Variants in MOXD1 observed in about 807,000 individuals in gnomAD.
MOXD1 encodes the protein monooxygenase DBH like 1, also known as DBH-like monooxygenase protein 1.
A neutral mutation model predicts 66.6 loss-of-function variants in MOXD1; 62 were observed. That is an observed-to-expected ratio of 0.93 (90% confidence interval 0.76 to 1.15). The LOEUF (loss-of-function observed/expected upper bound fraction) is 1.15, where lower values mean the gene tolerates loss of function less well. MOXD1 is among the 50% of genes most tolerant of loss of function. The pLI is 0.00. For synonymous variants in MOXD1, 303 were observed against 281.9 expected (o/e 1.07, Z -0.75); for missense variants, 847 against 754.6 (o/e 1.12, Z -1.44).
chr6:132,361,270 A>C (rs1225669960), intron 4 of MOXD1, among the ~76,000 whole-genome samples: 12 of 151,898 alleles, frequency 7.9e-5, no homozygotes, highest in Non-Finnish European at 1.5e-4. Flanking sequence ...CATAAAACTC[A>C]GCTGTGGTTA....
At chr6:132,392,152 A>G in intron 1 of MOXD1, 3 of 1,518,168 alleles carry the variant, frequency 2.0e-6, no homozygotes, top group East Asian at 2.5e-5. Context: ...TAAAAGAAGC[A>G]CATCGTTAAC....
At chr6:132,337,163 C>G (rs1311034787) in intron 4 of MOXD1, among the ~76,000 whole-genome samples, 2 of 152,198 alleles carry the variant, frequency 1.3e-5, no homozygotes, top group African/African-American at 4.8e-5. Context: ...CTCAAGTTTT[C>G]CTCTTAATAA....
intron 1 of MOXD1, among the ~76,000 whole-genome samples, chr6:132,375,898 T>G (rs1236446685): frequency 6.6e-6 from 1 of 152,214 alleles, no homozygotes; most frequent in East Asian, 1.9e-4. Context: ...ACATACCTAT[T>G]TTATAGATTT....
chr6:132,364,089 C>T (rs1776069746), intron 4 of MOXD1, among the ~76,000 whole-genome samples: 2 of 151,976 alleles, frequency 1.3e-5, no homozygotes, highest in Non-Finnish European at 1.5e-5. Context: ...TTGAAAATGG[C>T]ATTATTTTAA....
rs151239964 is a variant in MOXD1 at position 132,338,202 on chromosome 6, G to A, written c.664-9608C>T. Among the ~76,000 whole-genome samples, 1,279 of 152,198 alleles carry A rather than the reference G, an allele frequency of 8.4e-3. 21 individuals are homozygous for A. The highest frequency in any genetic ancestry group is 0.029 in the African/African-American group (1,207 of 41,512). ...GTCACAGCGCAGATTTGACTCTGGC[G>A]GTCTGGATCAAGAATGTGCTCCTGA... On this transcript the variant is annotated intron_variant, in intron 4 of 11. Coordinates refer to ENST00000367963, the MANE Select transcript of MOXD1 (RefSeq NM_015529.4).
At position 132,322,797 on chromosome 6, in the gene MOXD1, C is replaced by G; in HGVS notation, c.1187G>C (p.Gly396Ala). The G allele has an allele frequency of 6.2e-7, 1 of 1,614,044 alleles. No homozygotes were observed. ...VLLHAHLAGR[G>A]IRLRHFRKGK... ...TTTTCGAAAATGACGCAGCCTGATG[C>G]CTCTGCCAGCCAGGTGAGCATGGAG... Residue 396 changes from glycine (G) to alanine (A), a missense_variant, in exon 8 of 12, where the codon GGC becomes GCC. Transcript: ENST00000367963.
chr6:132,388,379 C>A (rs1271091265), intron 1 of MOXD1, among the ~76,000 whole-genome samples: 1 of 151,410 alleles, frequency 6.6e-6, no homozygotes, highest in Non-Finnish European at 1.5e-5. Context: ...GGGATTCACA[C>A]CCCGTCTAGA....
In MOXD1 at chr6:132,301,198, TTATATATATA is replaced by T. The variant is rs34981314; in HGVS notation, c.1509-3253_1509-3244del. On this transcript the variant is annotated intron_variant, in intron 10 of 11. Transcript: ENST00000367963. ...CATACATACATGTAAACGAATGGTA[TTATATATATA>T]TATATATATATATATTACTGTAGTC... 9.7e-4 allele frequency among the ~76,000 whole-genome samples: 141 copies of T among 145,912 alleles called. 1 individual carries two copies. Among genetic ancestry groups the T allele is most frequent in the African/African-American group, 2.8e-3 (113 of 40,652 alleles).
At chr6:132,369,706 G>A (rs1452644360) in intron 4 of MOXD1, among the ~76,000 whole-genome samples, 1 of 152,052 alleles carries the variant, frequency 6.6e-6, no homozygotes, top group Non-Finnish European at 1.5e-5. Context: ...TAACGGATGG[G>A]CAGCGTTTCC....
chr6:132,378,589 T>C (rs773579829), intron 1 of MOXD1, among the ~76,000 whole-genome samples: 2 of 152,094 alleles, frequency 1.3e-5, no homozygotes, highest in African/African-American at 2.4e-5. Flanking sequence ...TCACAATAGA[T>C]CCTACAGACA....
At chr6:132,365,943 A>C (rs1370320795) in intron 4 of MOXD1, among the ~76,000 whole-genome samples, 1 of 152,200 alleles carries the variant, frequency 6.6e-6, no homozygotes, top group Admixed American at 6.5e-5. Flanking sequence ...TAAAACTTAC[A>C]ATACACTTAG....
intron 1 of MOXD1, among the ~76,000 whole-genome samples, chr6:132,399,715 T>A (rs1200173187): frequency 6.6e-6 from 1 of 152,210 alleles, no homozygotes; most frequent in Non-Finnish European, 1.5e-5. Flanking sequence ...CTCCCTTTTG[T>A]AGAACATGCA....
intron 1 of MOXD1, among the ~76,000 whole-genome samples, chr6:132,398,441 T>C (rs569652351): frequency 6.6e-6 from 1 of 152,272 alleles, no homozygotes; most frequent in Admixed American, 6.5e-5. Flanking sequence ...AAAAGCCACA[T>C]GATGAGGTGA....
At chr6:132,313,252 C>T (rs1774869407) in intron 10 of MOXD1, among the ~76,000 whole-genome samples, 1 of 152,064 alleles carries the variant, frequency 6.6e-6, no homozygotes. Flanking sequence ...ATTTCCTCCC[C>T]TATAAAACCG....
At chr6:132,310,713 G>A (rs1243879739) in intron 10 of MOXD1, among the ~76,000 whole-genome samples, 19 of 152,122 alleles carry the variant, frequency 1.2e-4, no homozygotes, top group Non-Finnish European at 1.9e-4. Context: ...GGATGAAGAT[G>A]GAAGCCAATG....
chr6:132,384,268 TC>T (rs1339544170), intron 1 of MOXD1, among the ~76,000 whole-genome samples: 1 of 116,296 alleles, frequency 8.6e-6, no homozygotes, highest in Non-Finnish European at 1.8e-5. Flanking sequence ...CTTCCTTCCT[TC>T]CTTCCTTCCT....
At chr6:132,353,723 A>G (rs890019027) in intron 4 of MOXD1, among the ~76,000 whole-genome samples, 5 of 152,162 alleles carry the variant, frequency 3.3e-5, no homozygotes, top group African/African-American at 1.2e-4. Context: ...AGCTAGGCCA[A>G]GGAAATTTTC....
chr6:132,298,989 A>G (rs1163732319), intron 10 of MOXD1, among the ~76,000 whole-genome samples: 1 of 152,214 alleles, frequency 6.6e-6, no homozygotes, highest in Non-Finnish European at 1.5e-5. Flanking sequence ...TCATCATAGC[A>G]CTATTCACAA....
chr6:132,342,032 T>G (rs930890939), intron 4 of MOXD1, among the ~76,000 whole-genome samples: 1 of 152,114 alleles, frequency 6.6e-6, no homozygotes, highest in Admixed American at 6.6e-5. Context: ...AGATGGAGTC[T>G]CGCTCTGTTG....
Sources: allele counts gnomAD v4.1 joint callset (sites outside exome capture counted in the v4.1 genomes callset), GRCh38; gene constraint gnomAD v4.1.1; transcripts MANE v1.5; gene names NCBI Gene and HGNC (gene_info 2026-07-23, HGNC 2026-07-21).